The following IMMP2L variants were observed in gnomAD, a reference collection of about 807,000 sequenced individuals.
The protein encoded by IMMP2L is mitochondrial inner membrane protease subunit 2.
IMMP2L carries 18 observed loss-of-function variants against 19.3 expected under a neutral mutation model. That is an observed-to-expected ratio of 0.93 (90% CI 0.64 to 1.38). The LOEUF (loss-of-function observed/expected upper bound fraction) is 1.38, where lower values mean the gene tolerates loss of function less well. Among genes scored for constraint, IMMP2L ranks in the 40% most tolerant of loss-of-function variants. IMMP2L has a pLI of 0.00. For missense variants in IMMP2L, 233 were observed against 218.2 expected, an observed-to-expected ratio of 1.07 and a Z score of -0.43; for synonymous variants, 76 against 73.0, an observed-to-expected ratio of 1.04 and a Z score of -0.21.
chr7:110,962,021 T>C (rs1818998088), intron 4 of IMMP2L, among the ~76,000 whole-genome samples: 1 of 151,940 alleles, frequency 6.6e-6, no homozygotes, highest in South Asian at 2.1e-4. Context: ...TATACATTTA[T>C]ACTAAAACTC....
chr7:110,706,292 T>C (rs1268966057), intron 5 of IMMP2L, among the ~76,000 whole-genome samples: 1 of 152,062 alleles, frequency 6.6e-6, no homozygotes, highest in Non-Finnish European at 1.5e-5. Context: ...GTTGTAGAGA[T>C]GAGGTCTAGC....
intron 3 of IMMP2L, among the ~76,000 whole-genome samples, chr7:111,324,599 T>TA (rs1211814155): frequency 1.4e-4 from 22 of 151,772 alleles, no homozygotes; most frequent in Non-Finnish European, 2.5e-4. Context: ...TAGAGTCAAA[T>TA]AAAAAATTCA....
At chr7:111,481,897 A>T (rs1842224494) in intron 3 of IMMP2L, among the ~76,000 whole-genome samples, 1 of 152,220 alleles carries the variant, frequency 6.6e-6, no homozygotes, top group African/African-American at 2.4e-5. Context: ...AGGCATATTT[A>T]AAAAGGAAGA....
intron 1 of IMMP2L, among the ~76,000 whole-genome samples, chr7:111,536,544 T>C (rs1300678080): frequency 1.3e-5 from 2 of 152,098 alleles, no homozygotes; most frequent in Non-Finnish European, 2.9e-5. Flanking sequence ...TGAATTCAAG[T>C]GGTCCACCAG....
intron 2 of IMMP2L, among the ~76,000 whole-genome samples, chr7:111,497,996 T>C (rs1418918038): frequency 1.3e-5 from 2 of 151,948 alleles, no homozygotes; most frequent in African/African-American, 4.8e-5. Context: ...TGCCAATCAA[T>C]ATGCAGTGCT....
chr7:111,287,764 T>C (rs1296570254), intron 3 of IMMP2L, among the ~76,000 whole-genome samples: 2 of 152,004 alleles, frequency 1.3e-5, no homozygotes, highest in African/African-American at 4.8e-5. Context: ...GAACTAGAAA[T>C]GTAAAGCCAA....
chr7:111,034,200 A>C (rs1206848631), intron 3 of IMMP2L, among the ~76,000 whole-genome samples: 3 of 152,126 alleles, frequency 2.0e-5, no homozygotes, highest in Admixed American at 2.0e-4. Flanking sequence ...TCACGTATTC[A>C]ATTCTTCCTT....
intron 3 of IMMP2L, among the ~76,000 whole-genome samples, chr7:111,117,089 T>C (rs550289395): frequency 6.6e-6 from 1 of 152,244 alleles, no homozygotes; most frequent in Admixed American, 6.5e-5. Context: ...GGTAACTAAT[T>C]TGATAGTCTT....
At chr7:111,169,157 T>C (rs1806157969) in intron 3 of IMMP2L, among the ~76,000 whole-genome samples, 1 of 151,838 alleles carries the variant, frequency 6.6e-6, no homozygotes, top group Admixed American at 6.6e-5. Flanking sequence ...TTGTTAAAGA[T>C]TTATAGGAGC....
At chr7:110,947,242 T>C (rs757973416) in intron 4 of IMMP2L, among the ~76,000 whole-genome samples, 2 of 152,204 alleles carry the variant, frequency 1.3e-5, no homozygotes, top group Non-Finnish European at 2.9e-5. Flanking sequence ...GCTGGGGAAC[T>C]TTCATTATCA....
chr7:110,670,166 A>G (rs953126860), intron 5 of IMMP2L, among the ~76,000 whole-genome samples: 1 of 152,182 alleles, frequency 6.6e-6, no homozygotes, highest in Non-Finnish European at 1.5e-5. Flanking sequence ...ACACACAGAG[A>G]AACACCAGAA....
At chr7:111,234,729 A>G (rs1375159411) in intron 3 of IMMP2L, among the ~76,000 whole-genome samples, 1 of 151,676 alleles carries the variant, frequency 6.6e-6, no homozygotes, top group Non-Finnish European at 1.5e-5. Context: ...AATTCTTTTA[A>G]CTGTTGTTTT....
Position 110,728,215 on chromosome 7 carries a change from G to A in IMMP2L, c.409-64494C>T, listed in dbSNP as rs1345733925. On this transcript the variant is annotated intron_variant, in intron 5 of 5. Transcript: ENST00000405709. This position sits in a 1 kb window ranked among gnomAD's most constrained non-coding sequence, Gnocchi z 4.6. ...ATCAATATTATTAATAATCTTAAAG[G>A]CGACTGGGAGTGGTGGTTCACGCCT... 2.0e-5 allele frequency among the ~76,000 whole-genome samples: 3 copies of A among 152,078 alleles called. No individual in the cohort carries two copies. The highest frequency in any genetic ancestry group is 4.8e-5 in the African/African-American group (2 of 41,406).
intron 3 of IMMP2L, among the ~76,000 whole-genome samples, chr7:111,127,005 C>T (rs537314178): frequency 9.9e-4 from 150 of 152,200 alleles, no homozygotes; most frequent in African/African-American, 3.5e-3. Context: ...CAGTTAAATC[C>T]TAGCTGTTTT....
intron 3 of IMMP2L, among the ~76,000 whole-genome samples, chr7:111,452,955 T>A (rs78392313): frequency 6.6e-6 from 1 of 152,158 alleles, no homozygotes; most frequent in Non-Finnish European, 1.5e-5. Context: ...CACTGGCCAA[T>A]CTCAAATACC....
intron 3 of IMMP2L, among the ~76,000 whole-genome samples, chr7:110,965,554 A>G (rs565553009): frequency 6.6e-6 from 1 of 152,108 alleles, no homozygotes; most frequent in South Asian, 2.1e-4. Flanking sequence ...TTATATTTCT[A>G]TAACTTTAAT....
intron 3 of IMMP2L, among the ~76,000 whole-genome samples, chr7:111,047,290 G>A (rs1792499930): frequency 6.6e-6 from 1 of 151,702 alleles, no homozygotes; most frequent in Non-Finnish European, 1.5e-5. Context: ...CAGGTTCAAG[G>A]GATTCTCCTG....
At chr7:110,832,919 C>A (rs1353410078) in intron 5 of IMMP2L, among the ~76,000 whole-genome samples, 2 of 152,150 alleles carry the variant, frequency 1.3e-5, no homozygotes, top group African/African-American at 2.4e-5. Context: ...AGGATTAGGG[C>A]AGGTTTCCCT....
intron 3 of IMMP2L, among the ~76,000 whole-genome samples, chr7:111,026,019 C>T (rs1826776468): frequency 6.6e-6 from 1 of 151,896 alleles, no homozygotes; most frequent in African/African-American, 2.4e-5. Context: ...ATTAAACACA[C>T]ACACACACAC....
Sources: allele counts gnomAD v4.1 joint callset (sites outside exome capture counted in the v4.1 genomes callset), GRCh38; gene constraint gnomAD v4.1.1; non-coding constraint Gnocchi (gnomAD v3.1); transcripts MANE v1.5; gene names NCBI Gene and HGNC (gene_info 2026-07-23, HGNC 2026-07-21).